The following WWTR1 variants were observed in gnomAD, a reference collection of about 807,000 sequenced individuals.
WWTR1 encodes the protein WW domain-containing transcription regulator protein 1.
WWTR1 carries 13 observed loss-of-function variants against 40.1 expected under a neutral mutation model. The ratio of observed to expected loss-of-function variants is 0.32; its 90% confidence interval spans 0.21 to 0.52. The LOEUF (loss-of-function observed/expected upper bound fraction) is 0.52. Among genes scored for constraint, WWTR1 ranks in the 20% least tolerant of loss-of-function variants. The pLI is 0.97. For missense variants in WWTR1, 436 were observed against 523.1 expected (o/e 0.83, Z 1.63); for synonymous variants, 230 against 210.1 (o/e 1.09, Z -0.82).
intron 5 of WWTR1, among the ~76,000 whole-genome samples, chr3:149,711,605 A>G (rs934363724): frequency 1.3e-5 from 2 of 152,162 alleles, no homozygotes; most frequent in Non-Finnish European, 2.9e-5. Context: ...TTGCACCCAG[A>G]TCACACCACT....
At chr3:149,651,690 G>A (rs540066284) in intron 2 of WWTR1, among the ~76,000 whole-genome samples, 4 of 152,198 alleles carry the variant, frequency 2.6e-5, no homozygotes, top group South Asian at 2.1e-4. Context: ...TTGACTTTGG[G>A]GCTAGATATC....
At chr3:149,656,621 T>C (rs2108162260) in intron 2 of WWTR1, among the ~76,000 whole-genome samples, 1 of 152,250 alleles carries the variant, frequency 6.6e-6, no homozygotes, top group South Asian at 2.1e-4. Flanking sequence ...GTCACCTGTG[T>C]GTTTTATGGT....
intron 2 of WWTR1, among the ~76,000 whole-genome samples, chr3:149,627,112 T>C (rs1740579655): frequency 6.6e-6 from 1 of 152,166 alleles, no homozygotes; most frequent in African/African-American, 2.4e-5. Context: ...AATAAATAAT[T>C]TGTTTAGTAC....
chr3:149,575,478 C>T (rs1245060586), intron 2 of WWTR1, among the ~76,000 whole-genome samples: 1 of 152,082 alleles, frequency 6.6e-6, no homozygotes, highest in African/African-American at 2.4e-5. Flanking sequence ...GAAAAGAATC[C>T]TTCTCTCTTT....
rs4681522 is a variant in WWTR1, at chr3:149,518,923, T to C, written c.*1882A>G. 151,037 of 151,796 alleles carry C rather than the reference T, an allele frequency of 0.99. 75,143 individuals carry two copies. Among genetic ancestry groups the C allele is most frequent in the Middle Eastern group, 1 (294 of 294 alleles). 9.4% of individuals were successfully genotyped at this position (151,796 alleles called of 1,614,324 possible). ...TCCTTTCCACGATATTCCATAACTT[T>C]GCTACTTCATCTCTGACCTTTTCAC... is the stretch of plus-strand genomic sequence containing the variant. On this transcript the variant is annotated 3_prime_UTR_variant, in exon 7 of 7. Coordinates refer to ENST00000360632, the MANE Select transcript of WWTR1 (RefSeq NM_015472.6).
At chr3:149,611,184 CT>C (rs747651064) in intron 2 of WWTR1, among the ~76,000 whole-genome samples, 1 of 151,318 alleles carries the variant, frequency 6.6e-6, no homozygotes, top group Non-Finnish European at 1.5e-5. Context: ...TTTTTAAAAA[CT>C]TTTTTTTTAA....
rs3044118 is a variant in WWTR1 at position 149,557,061 on chromosome 3, C to CTTTTTTTTTTTTTT, written c.569-14538_569-14525dup. Among the ~76,000 whole-genome samples, 62 of 64,374 alleles carry CTTTTTTTTTTTTTT rather than the reference C, an allele frequency of 9.6e-4. 12 individuals carry two copies. Among genetic ancestry groups the CTTTTTTTTTTTTTT allele is most frequent in the African/African-American group, 1.3e-3 (21 of 16,100 alleles). 42.2% of individuals were successfully genotyped at this position (64,374 alleles called of 152,430 possible). On this transcript the variant is annotated intron_variant, in intron 3 of 6. Coordinates refer to ENST00000360632, the MANE Select transcript of WWTR1 (RefSeq NM_015472.6). ...TCCTAGTGTTCCCTACTGGAATCTT[C>CTTTTTTTTTTTTTT]TTTTTTTTTTTTTTTTTTTTTTTTT...
intron 1 of WWTR1, among the ~76,000 whole-genome samples, chr3:149,687,419 A>G (rs1714689608): frequency 6.6e-6 from 1 of 152,212 alleles, no homozygotes; most frequent in African/African-American, 2.4e-5. Flanking sequence ...GGCATGCCTG[A>G]CATTCAACCT....
At chr3:149,608,239 T>C (rs1482176117) in intron 2 of WWTR1, among the ~76,000 whole-genome samples, 2 of 152,116 alleles carry the variant, frequency 1.3e-5, no homozygotes, top group African/African-American at 4.8e-5. Context: ...AAAAAATTTA[T>C]TTAGAATACT....
At chr3:149,537,889 C>G (rs567508702) in intron 4 of WWTR1, among the ~76,000 whole-genome samples, 1 of 152,052 alleles carries the variant, frequency 6.6e-6, no homozygotes, top group Non-Finnish European at 1.5e-5. Flanking sequence ...TTTTTAAATG[C>G]TAATCACTAA....
rs1714478430 is a variant in WWTR1 at position 149,682,194 on chromosome 3, TAAAC to T, written c.-107-12307_-107-12304del. Among the ~76,000 whole-genome samples, 3 of 152,316 alleles carry T rather than the reference TAAAC, an allele frequency of 2.0e-5. No homozygotes were observed. In the South Asian group the frequency reaches 6.2e-4, roughly 32 times the overall value. ...GTCAGGTCTCTTAGTGATTAGTGGT[TAAAC>T]AAAGACCAACCATCATTGGTATCTG... On this transcript the variant is annotated intron_variant, in intron 1 of 7. Transcript: ENST00000465804.
intron 2 of WWTR1, among the ~76,000 whole-genome samples, chr3:149,626,474 T>C: frequency 6.6e-6 from 1 of 151,000 alleles, no homozygotes; most frequent in Non-Finnish European, 1.5e-5. Context: ...TTAAAGAGAA[T>C]GTTTGCATTC....
intron 2 of WWTR1, among the ~76,000 whole-genome samples, chr3:149,628,381 C>G (rs1327558178): frequency 1.3e-5 from 2 of 152,174 alleles, no homozygotes; most frequent in African/African-American, 4.8e-5. Flanking sequence ...AACAAATAAA[C>G]AAACAAACAA....
intron 4 of WWTR1, among the ~76,000 whole-genome samples, chr3:149,529,624 C>T (rs1368990347): frequency 1.3e-5 from 2 of 152,082 alleles, no homozygotes; most frequent in African/African-American, 4.8e-5. Context: ...TCTGAATAAA[C>T]CTAGAAAAAT....
chr3:149,709,072 C>A (rs1317022713), intron 5 of WWTR1, among the ~76,000 whole-genome samples: 1 of 152,086 alleles, frequency 6.6e-6, no homozygotes, highest in Admixed American at 6.5e-5. Flanking sequence ...GCCTCCCGGG[C>A]TCAAGCGATC....
chr3:149,714,141 G>T (rs1171148411), intron 5 of WWTR1, among the ~76,000 whole-genome samples: 1 of 152,212 alleles, frequency 6.6e-6, no homozygotes, highest in African/African-American at 2.4e-5. Flanking sequence ...GGCCTGGGGC[G>T]GTGTCACCTT....
intron 1 of WWTR1, among the ~76,000 whole-genome samples, chr3:149,693,163 T>C (rs1006750360): frequency 1.3e-5 from 2 of 152,072 alleles, no homozygotes; most frequent in African/African-American, 4.8e-5. Context: ...CATACAAAAA[T>C]CAGTAGCATT....
chr3:149,597,750 C>T (rs1560077887), intron 2 of WWTR1, among the ~76,000 whole-genome samples: 1 of 152,174 alleles, frequency 6.6e-6, no homozygotes, highest in Non-Finnish European at 1.5e-5. Context: ...GGGAAAGATG[C>T]TTGGAAGAAA....
intron 2 of WWTR1, among the ~76,000 whole-genome samples, chr3:149,629,272 T>A (rs1001447168): frequency 1.3e-5 from 2 of 152,208 alleles, no homozygotes; most frequent in Non-Finnish European, 2.9e-5. Flanking sequence ...CAAACTAAAA[T>A]ATTTGTCTTT....
Sources: gnomAD v4.1 joint callset for allele counts (sites outside exome capture counted in the v4.1 genomes callset) on GRCh38, gnomAD v4.1.1 for gene constraint, MANE v1.5 for transcripts, NCBI Gene and HGNC (gene_info 2026-07-23, HGNC 2026-07-21) for gene names.